Variants in PDCL2 observed in about 807,000 individuals in gnomAD.
PDCL2 encodes phosducin-like protein 2.
In PDCL2, 23 loss-of-function variants were observed where a neutral mutation model predicts 30.3. The observed-to-expected ratio is 0.76, with a 90% confidence interval of 0.55 to 1.08. The LOEUF (loss-of-function observed/expected upper bound fraction) is 1.08, where lower values mean the gene tolerates loss of function less well. PDCL2 is among the 50% of genes least tolerant of loss of function. The pLI, the probability that PDCL2 is intolerant of heterozygous loss-of-function variation, is 0.00. For synonymous variants in PDCL2, 68 were observed against 86.2 expected, an observed-to-expected ratio of 0.79 and a Z score of 1.17; for missense variants, 243 against 282.3, an observed-to-expected ratio of 0.86 and a Z score of 1.00.
intron 4 of PDCL2, among the ~76,000 whole-genome samples, chr4:55,566,391 T>C (rs1203110193): frequency 2.0e-5 from 3 of 151,992 alleles, no homozygotes; most frequent in Non-Finnish European, 4.4e-5. Context: ...TCAAAATATA[T>C]GTTTTATACC....
rs569143470 is a variant in PDCL2, at chr4:55,561,432, G to A, written c.571+972C>T. On this transcript the variant is annotated intron_variant, in intron 5 of 5. Coordinates refer to ENST00000295645, the MANE Select transcript of PDCL2 (RefSeq NM_152401.3). The stretch of plus-strand genomic sequence containing the variant: ...ACAAAAATTAGCCAGGTGTGGTGGT[G>A]GCCACCTGTAATCCCAGCTACTCGG... 9.0e-4 allele frequency among the ~76,000 whole-genome samples: 137 copies of A among 151,982 alleles called. 1 individual carries two copies. Among genetic ancestry groups the A allele is most frequent in the East Asian group, 2.5e-3 (13 of 5,158 alleles).
chr4:55,560,106 A>G (rs1732086065), intron 5 of PDCL2, among the ~76,000 whole-genome samples: 1 of 149,728 alleles, frequency 6.7e-6, no homozygotes. Context: ...AATAGTTAAG[A>G]TGGTAAATGT....
At chr4:55,565,952 T>C (rs1732251914) in intron 4 of PDCL2, among the ~76,000 whole-genome samples, 2 of 150,820 alleles carry the variant, frequency 1.3e-5, no homozygotes, top group Non-Finnish European at 2.9e-5. Flanking sequence ...ATTAAAAAGC[T>C]GTAAGTAAAT....
intron 5 of PDCL2, among the ~76,000 whole-genome samples, chr4:55,560,411 C>T (rs1217712364): frequency 2.0e-5 from 3 of 152,068 alleles, no homozygotes; most frequent in Non-Finnish European, 4.4e-5. Flanking sequence ...GAGTTTGAGA[C>T]CAGCCTGGGC....
intron 4 of PDCL2, among the ~76,000 whole-genome samples, chr4:55,568,925 A>G (rs1301237614): frequency 1.3e-5 from 2 of 152,214 alleles, no homozygotes. Context: ...AGTTGAATAC[A>G]TAGTTTCACC....
intron 2 of PDCL2, 83 bp from the exon 3 acceptor site, chr4:55,580,994 A>G: frequency 1.0e-6 from 1 of 962,300 alleles, no homozygotes; most frequent in Non-Finnish European, 1.5e-6. Flanking sequence ...AAACCGTCTT[A>G]TACAAAGGAG....
chr4:55,558,695 C>T (rs1285141461), intron 5 of PDCL2, among the ~76,000 whole-genome samples: 3 of 152,056 alleles, frequency 2.0e-5, no homozygotes, highest in Admixed American at 2.0e-4. Flanking sequence ...ATATTTTTCA[C>T]CTTGGGAATA....
At chr4:55,569,666 A>T in intron 4 of PDCL2, 52 bp downstream of exon 4, 1 of 1,383,458 alleles carries the variant, frequency 7.2e-7, no homozygotes, top group Non-Finnish European at 9.6e-7. Context: ...AACCAAAAAT[A>T]TGTCTTTTAA....
At chr4:55,587,891 C>T (rs535207376) in intron 1 of PDCL2, among the ~76,000 whole-genome samples, 35 of 151,332 alleles carry the variant, frequency 2.3e-4, no homozygotes, top group Middle Eastern at 3.4e-3. Flanking sequence ...TATCCTCTGA[C>T]GCAAAAAAAT....
chr4:55,572,042 C>A (rs1412694618), intron 3 of PDCL2, among the ~76,000 whole-genome samples: 1 of 151,846 alleles, frequency 6.6e-6, no homozygotes, highest in Non-Finnish European at 1.5e-5. Flanking sequence ...CAACTATCAA[C>A]AACTTCCCTT....
At chr4:55,591,839 T>C (rs1158290406) in intron 1 of PDCL2, among the ~76,000 whole-genome samples, 1 of 152,228 alleles carries the variant, frequency 6.6e-6, no homozygotes, top group Non-Finnish European at 1.5e-5. Flanking sequence ...ATTTCTATGA[T>C]TTTGGTGTGA....
chr4:55,561,681 C>A (rs1732140776), intron 5 of PDCL2, among the ~76,000 whole-genome samples: 1 of 151,690 alleles, frequency 6.6e-6, no homozygotes, highest in South Asian at 2.1e-4. Context: ...TAAAGCAGTG[C>A]CAAAAAATGA....
At chr4:55,574,655 T>C (rs1482888349) in intron 3 of PDCL2, among the ~76,000 whole-genome samples, 1 of 152,182 alleles carries the variant, frequency 6.6e-6, no homozygotes. Context: ...CCCATATCTA[T>C]TTGTAGTTAC....
At chr4:55,563,623 CA>C (rs1732188727) in intron 4 of PDCL2, among the ~76,000 whole-genome samples, 1 of 152,198 alleles carries the variant, frequency 6.6e-6, no homozygotes, top group African/African-American at 2.4e-5. Context: ...AAAAGGCACA[CA>C]AGTTTATTAA....
At chr4:55,582,089 A>C in intron 2 of PDCL2, 28 bp downstream of exon 2, 3 of 1,610,712 alleles carry the variant, frequency 1.9e-6, no homozygotes, top group Non-Finnish European at 2.5e-6. Context: ...TATTCCCATC[A>C]TCCAGCCCAC....
At chr4:55,582,452 T>C (rs1187391456) in intron 1 of PDCL2, among the ~76,000 whole-genome samples, 1 of 152,202 alleles carries the variant, frequency 6.6e-6, no homozygotes, top group African/African-American at 2.4e-5. Context: ...AAAATATCAA[T>C]TTAGAATACA....
At chr4:55,569,442 G>C (rs903595660) in intron 4 of PDCL2, among the ~76,000 whole-genome samples, 1 of 152,036 alleles carries the variant, frequency 6.6e-6, no homozygotes, top group Admixed American at 6.6e-5. Flanking sequence ...CTGTTTTTGA[G>C]ATATTCTATA....
intron 5 of PDCL2, among the ~76,000 whole-genome samples, chr4:55,558,408 T>C (rs1338451507): frequency 6.6e-6 from 1 of 152,188 alleles, no homozygotes; most frequent in Non-Finnish European, 1.5e-5. Context: ...TTAGCTCTCA[T>C]TCTTCTCCTT....
chr4:55,568,620 G>C (rs73819649), intron 4 of PDCL2, among the ~76,000 whole-genome samples: 2,057 of 152,214 alleles, frequency 0.014, 43 homozygotes, highest in African/African-American at 0.046. Context: ...GTAGAAGAAC[G>C]TTCTTGAAGG....
Sources: gnomAD v4.1 joint callset for allele counts (sites outside exome capture counted in the v4.1 genomes callset) on GRCh38, gnomAD v4.1.1 for gene constraint, MANE v1.5 for transcripts, NCBI Gene and HGNC (gene_info 2026-07-23, HGNC 2026-07-21) for gene names.